Variants in RGS6 observed in about 807,000 individuals in gnomAD.
RGS6 encodes regulator of G protein signaling 6, also known as regulator of G-protein signaling 6.
Under a neutral mutation model 78.5 loss-of-function variants are expected in RGS6, and 30 were observed. The ratio of observed to expected loss-of-function variants is 0.38; its 90% confidence interval spans 0.29 to 0.52. RGS6 has a LOEUF of 0.52. RGS6 is among the 20% of genes least tolerant of loss of function. The probability of loss-of-function intolerance (pLI) is 0.85; values close to 1 mark genes in which losing one functional copy is unlikely to be tolerated. For missense variants in RGS6, 495 were observed against 609.7 expected (o/e 0.81, Z 1.98); for synonymous variants, 206 against 206.0 (o/e 1.00, Z 0.00).
At chr14:72,473,380 C>A (rs908209758) in intron 9 of RGS6, among the ~76,000 whole-genome samples, 3 of 152,134 alleles carry the variant, frequency 2.0e-5, no homozygotes, top group Admixed American at 6.5e-5. Flanking sequence ...GGAGGCGGAG[C>A]TTGCAGTGAG....
chr14:72,571,459 TG>T (rs1461004462), downstream of RGS6, among the ~76,000 whole-genome samples: 4 of 152,138 alleles, frequency 2.6e-5, no homozygotes, highest in Admixed American at 2.6e-4. Flanking sequence ...AGGACAGTAC[TG>T]GTAAGAGGAG....
chr14:72,499,047 C>A (rs998879784), intron 13 of RGS6, among the ~76,000 whole-genome samples: 1 of 152,142 alleles, frequency 6.6e-6, no homozygotes, highest in East Asian at 1.9e-4. Context: ...TGTGACATCC[C>A]TGCAGCCAAG....
At chr14:72,481,345 A>T (rs973473994) in intron 12 of RGS6, among the ~76,000 whole-genome samples, 4 of 152,204 alleles carry the variant, frequency 2.6e-5, no homozygotes, top group African/African-American at 9.6e-5. Context: ...TGAACTGGAT[A>T]TATGGTGCTT....
chr14:72,293,063 C>T (rs2063923667), intron 2 of RGS6, among the ~76,000 whole-genome samples: 1 of 152,090 alleles, frequency 6.6e-6, no homozygotes, highest in Non-Finnish European at 1.5e-5. Flanking sequence ...GCTCCTCTGC[C>T]AAAACAGAAA....
intron 2 of RGS6, among the ~76,000 whole-genome samples, chr14:72,107,743 G>A (rs1020513615): frequency 2.6e-5 from 4 of 151,908 alleles, no homozygotes; most frequent in Admixed American, 2.0e-4. Flanking sequence ...CTTCTGTATG[G>A]CATCTATATC....
chr14:72,230,580 G>A (rs987752394), intron 2 of RGS6, among the ~76,000 whole-genome samples: 4 of 152,140 alleles, frequency 2.6e-5, no homozygotes, highest in East Asian at 1.9e-4. Context: ...ATATGCGTAC[G>A]TACACACACA....
chr14:72,051,995 G>A (rs755177587), intron 2 of RGS6, among the ~76,000 whole-genome samples: 72 of 152,156 alleles, frequency 4.7e-4, no homozygotes, highest in Non-Finnish European at 4.0e-4. Context: ...AGCTAAGATT[G>A]AGGCCAAAAG....
chr14:72,110,572 C>G (rs978508754), intron 2 of RGS6, among the ~76,000 whole-genome samples: 1 of 152,328 alleles, frequency 6.6e-6, no homozygotes, highest in East Asian at 1.9e-4. Flanking sequence ...CCATTCCCCT[C>G]TCTACTAAAT....
the RGS6 span, among the ~76,000 whole-genome samples, chr14:71,924,535 A>G: frequency 6.6e-6 from 1 of 152,166 alleles, no homozygotes; most frequent in African/African-American, 2.4e-5. Context: ...CCTTTGACCT[A>G]CATCTTCTCA....
At chr14:72,276,233 T>C (rs1288375802) in intron 2 of RGS6, among the ~76,000 whole-genome samples, 1 of 152,144 alleles carries the variant, frequency 6.6e-6, no homozygotes, top group Non-Finnish European at 1.5e-5. Flanking sequence ...ACTGAACATA[T>C]CTTTCCTCAT....
chr14:71,995,977 C>T (rs11623588), intron 2 of RGS6, among the ~76,000 whole-genome samples: 67,698 of 151,850 alleles, frequency 0.45, 15,502 homozygotes, highest in East Asian at 0.54. Flanking sequence ...GTTTCGGTTC[C>T]AGTGACCAAG....
At chr14:71,994,666 G>A (rs952275326) in intron 2 of RGS6, among the ~76,000 whole-genome samples, 12 of 152,050 alleles carry the variant, frequency 7.9e-5, no homozygotes, top group South Asian at 2.1e-4. Context: ...CAATTTGGCC[G>A]TCACACTGGA....
chr14:72,582,072 C>T, the RGS6 span, among the ~76,000 whole-genome samples: 1 of 152,100 alleles, frequency 6.6e-6, no homozygotes, highest in Non-Finnish European at 1.5e-5. Flanking sequence ...TAATTTGTTT[C>T]CCAGGGAAAA....
intron 3 of RGS6, among the ~76,000 whole-genome samples, chr14:72,419,278 A>G (rs2094025802): frequency 6.6e-6 from 1 of 152,362 alleles, no homozygotes; most frequent in Admixed American, 6.5e-5. Context: ...TCTTACAAGT[A>G]TTCGCTCATT....
At chr14:72,446,344 C>T (rs1319921049) in intron 3 of RGS6, among the ~76,000 whole-genome samples, 1 of 152,162 alleles carries the variant, frequency 6.6e-6, no homozygotes, top group Non-Finnish European at 1.5e-5. Context: ...AAACAGACAT[C>T]GATCAAATAA....
chr14:72,276,349 G>C (rs944320332), intron 2 of RGS6, among the ~76,000 whole-genome samples: 1 of 152,302 alleles, frequency 6.6e-6, no homozygotes, highest in African/African-American at 2.4e-5. Flanking sequence ...GCCAAAATTG[G>C]TTCTGGGTTG....
At chr14:72,149,150 CT>C (rs1327988508) in intron 2 of RGS6, among the ~76,000 whole-genome samples, 1 of 152,166 alleles carries the variant, frequency 6.6e-6, no homozygotes, top group Non-Finnish European at 1.5e-5. Flanking sequence ...TACTCGTGTC[CT>C]TTACATGTGG....
intron 2 of RGS6, among the ~76,000 whole-genome samples, chr14:72,252,935 T>C (rs1182329125): frequency 6.6e-6 from 1 of 152,178 alleles, no homozygotes; most frequent in Non-Finnish European, 1.5e-5. Flanking sequence ...TCCTCACACC[T>C]GCCCAGGAGG....
At chr14:72,334,357 A>T (rs1324373528) in intron 2 of RGS6, among the ~76,000 whole-genome samples, 1 of 152,202 alleles carries the variant, frequency 6.6e-6, no homozygotes, top group Non-Finnish European at 1.5e-5. Flanking sequence ...TTTGACGCCT[A>T]CAAAAACCTG....
Sources: allele counts gnomAD v4.1 joint callset (sites outside exome capture counted in the v4.1 genomes callset), GRCh38; gene constraint gnomAD v4.1.1; transcripts MANE v1.5; gene names NCBI Gene and HGNC (gene_info 2026-07-23, HGNC 2026-07-21).